TPM4: variants seen among roughly 807,000 people sequenced by gnomAD.
TPM4 encodes the protein tropomyosin alpha-4 chain.
In TPM4, 17 loss-of-function variants were observed where a neutral mutation model predicts 35.8. The observed-to-expected ratio is 0.47, with a 90% CI of 0.32 to 0.71. The LOEUF (loss-of-function observed/expected upper bound fraction) is 0.71. TPM4 is among the 30% of genes least tolerant of loss of function. TPM4 has a pLI of 0.03. For synonymous variants in TPM4, 120 were observed against 122.9 expected, an observed-to-expected ratio of 0.98 and a Z score of 0.15; for missense variants, 240 against 320.9, an observed-to-expected ratio of 0.75 and a Z score of 1.93.
At chr19:16,087,104 C>A (rs887202595) in intron 3 of TPM4, among the ~76,000 whole-genome samples, 1 of 152,004 alleles carries the variant, frequency 6.6e-6, no homozygotes, top group Admixed American at 6.6e-5. Context: ...ATAGTGAGAC[C>A]CCATTTCTAA....
At chr19:16,073,958 A>AAG (rs2090378919), upstream of TPM4, among the ~76,000 whole-genome samples, 1 of 120,268 alleles carries the variant, frequency 8.3e-6, no homozygotes, top group Admixed American at 1.0e-4. Flanking sequence ...AAAAAAAAAA[A>AAG]AACGCAAAAA....
At position 16,102,211 on chromosome 19, in the gene TPM4, T is replaced by G; in HGVS notation, c.*865T>G. 1 of 186,680 alleles carries G rather than the reference T, an allele frequency of 5.4e-6. No individual in the cohort carries two copies. Among genetic ancestry groups the G allele is most frequent in the East Asian group, 8.6e-5 (1 of 11,570 alleles). The allele number at this position is 186,680 out of a possible 1,614,324, so 11.6% of individuals were successfully genotyped here. ...AAAATACAAAAATTATGGTGACGCC[T>G]GCCTGTAGTCCCAGCTACTCGGGAG... is the stretch of plus-strand genomic sequence containing the variant. On this transcript the variant is annotated 3_prime_UTR_variant, in exon 8 of 8. Coordinates refer to ENST00000643579, the MANE Select transcript of TPM4 (RefSeq NM_003290.3).
At chr19:16,075,970 T>C (rs1322196980), upstream of TPM4, 7 of 1,528,414 alleles carry the variant, frequency 4.6e-6, no homozygotes, top group Non-Finnish European at 5.3e-6. Flanking sequence ...TTGTGAATAT[T>C]GGGGGGGACC....
At position 16,101,551 on chromosome 19, in the gene TPM4, A is replaced by T. The variant is rs531736069; in HGVS notation, c.*205A>T. On this transcript the variant is annotated 3_prime_UTR_variant, in exon 8 of 8. Transcript: ENST00000643579. ...TCCTTCCCTTTTTTTTTCAAATGGC[A>T]CCAGCTTTTTCAGCTCTCTTATTTT... The T allele has an allele frequency of 5.8e-5, 26 of 448,990 alleles. No individual in the cohort carries two copies. The East Asian group carries it at 8.6e-4, about 15-fold the overall frequency. The allele number at this position is 448,990 out of a possible 1,614,324, so 27.8% of individuals were successfully genotyped here.
chr19:16,095,494 C>T (rs576293206), intron 7 of TPM4: 39 of 1,021,380 alleles, frequency 3.8e-5, no homozygotes, highest in East Asian at 3.2e-4. Context: ...GAAATAAAGA[C>T]GGGCAGTCCT....
In TPM4 at chr19:16,092,307, GTGCC is replaced by G. The variant is rs796139236; in HGVS notation, c.532-1226_532-1223del. 9.2e-5 allele frequency among the ~76,000 whole-genome samples: 14 copies of G among 152,262 alleles called. 1 individual carries two copies. The highest frequency in any genetic ancestry group is 3.4e-4 in the African/African-American group (14 of 41,552). On this transcript the variant is annotated intron_variant, in intron 5 of 7. Transcript: ENST00000643579. ...GGAGTCCACAGATTATGATCAGGGA[GTGCC>G]TGTCACCCTGGGGAAGGTGGTGGAG...
At chr19:16,100,257 A>G (rs1027391034) in intron 7 of TPM4, 1 of 152,172 alleles carries the variant, frequency 6.6e-6, no homozygotes, top group African/African-American at 2.4e-5. Flanking sequence ...TTCTGACTCA[A>G]GGGTTACCAG....
intron 4 of TPM4, chr19:16,088,568 C>T (rs2090587905): frequency 9.6e-7 from 1 of 1,037,310 alleles, no homozygotes; most frequent in Non-Finnish European, 1.2e-6. Flanking sequence ...AAACACCTGT[C>T]CTCTTGGCCC....
In TPM4 at chr19:16,070,135, G is replaced by C. The variant is rs1325182480; in HGVS notation, c.114+2397G>C. On this transcript the variant is annotated intron_variant, in intron 2 of 2. Transcript: ENST00000589897. This position sits in a 1 kb window ranked among gnomAD's most constrained non-coding sequence, Gnocchi z 7.4. ...GTGGGGGTGTCCCTGCTAAAAGCCT[G>C]GAGGCCGGGGCAGGTGGGCTGCCCG... Among the ~76,000 whole-genome samples, 1 of 152,150 alleles carries C rather than the reference G, an allele frequency of 6.6e-6. No homozygotes were observed. Among genetic ancestry groups the C allele is most frequent in the Non-Finnish European group, 1.5e-5 (1 of 68,002 alleles).
chr19:16,068,110 T>G (rs1337019790), intron 2 of TPM4: 1 of 341,664 alleles, frequency 2.9e-6, no homozygotes, highest in Non-Finnish European at 5.4e-6. Context: ...AGCGTATGTG[T>G]GTGTACGTGT....
intron 7 of TPM4, among the ~76,000 whole-genome samples, chr19:16,094,588 C>T (rs369421872): frequency 2.0e-5 from 3 of 151,762 alleles, no homozygotes; most frequent in African/African-American, 7.3e-5. Context: ...CTGATAGATG[C>T]CTTGCATTTT....
chr19:16,068,129 G>A (rs1471531453), intron 2 of TPM4, among the ~76,000 whole-genome samples: 2 of 151,368 alleles, frequency 1.3e-5, no homozygotes, highest in East Asian at 1.9e-4. Context: ...GTGTGTGTAC[G>A]TGTGTGCGTG....
chr19:16,072,564 C>T (rs116966759), upstream of TPM4, among the ~76,000 whole-genome samples: 426 of 152,348 alleles, frequency 2.8e-3, 3 homozygotes, highest in South Asian at 0.021. Flanking sequence ...CAAGTCCCTT[C>T]CCCTTTCAGA....
intron 1 of TPM4, chr19:16,076,937 C>G: frequency 1.2e-6 from 1 of 847,208 alleles, no homozygotes; most frequent in Non-Finnish European, 1.5e-6. Flanking sequence ...CGGGCGGGGC[C>G]GGCCAAGCGG....
chr19:16,081,026 G>A (rs1007460392), intron 1 of TPM4: 29 of 398,410 alleles, frequency 7.3e-5, no homozygotes, highest in Non-Finnish European at 1.0e-4. Context: ...TCAGCCAGGC[G>A]GATTGAAGGA....
rs142285871 is a variant in TPM4 at position 16,101,293 on chromosome 19, G to A, written c.694G>A (p.Val232Met). Reference sequence around the variant, plus strand: ...ACTTGCCCAGGCCAAAGAAGAGAACGTGGGCTTACATCAGACACTGGATCA... The same window carrying A: ...ACTTGCCCAGGCCAAAGAAGAGAACATGGGCTTACATCAGACACTGGATCA... ...EKLAQAKEENVGLHQTLDQTL... is the reference protein window; with the variant it reads ...EKLAQAKEENMGLHQTLDQTL... The change falls in exon 8 of 8, where the codon GTG becomes ATG. Residue 232 changes from valine (V) to methionine (M), a missense_variant. Coordinates refer to ENST00000643579, the MANE Select transcript of TPM4 (RefSeq NM_003290.3). The A allele has an allele frequency of 2.5e-4, 410 of 1,608,688 alleles. 1 individual carries two copies. In the African/African-American group the frequency reaches 4.8e-3, roughly 19 times the overall value.
intron 7 of TPM4, among the ~76,000 whole-genome samples, chr19:16,094,851 T>TA (rs2090674646): frequency 6.6e-6 from 1 of 152,176 alleles, no homozygotes; most frequent in African/African-American, 2.4e-5. Flanking sequence ...AAAGGACACA[T>TA]TCTTCAGACC....
chr19:16,087,926 C>A, intron 3 of TPM4, 101 bp from the exon 4 acceptor site: 1 of 1,247,684 alleles, frequency 8.0e-7, no homozygotes, highest in Non-Finnish European at 1.1e-6. Flanking sequence ...TGCAGCTGGT[C>A]TAGGGGTCTG....
At chr19:16,081,731 C>T (rs2090485326) in intron 1 of TPM4, 182 bp from the exon 2 acceptor site, 1 of 738,514 alleles carries the variant, frequency 1.4e-6, no homozygotes, top group Non-Finnish European at 2.0e-6. Context: ...GATGTTTTTC[C>T]CAGACATTTT....
Sources: allele counts gnomAD v4.1 joint callset (sites outside exome capture counted in the v4.1 genomes callset), GRCh38; gene constraint gnomAD v4.1.1; non-coding constraint Gnocchi (gnomAD v3.1); transcripts MANE v1.5; gene names NCBI Gene and HGNC (gene_info 2026-07-23, HGNC 2026-07-21).